The following GAS7 variants were observed in gnomAD, a reference collection of about 807,000 sequenced individuals.
GAS7 encodes growth arrest specific 7, also known as growth arrest-specific protein 7.
A neutral mutation model predicts 71.1 loss-of-function variants in GAS7; 28 were observed. The observed-to-expected ratio is 0.39, with a 90% confidence interval of 0.29 to 0.54. GAS7 has a LOEUF of 0.54. Ranked by LOEUF, GAS7 falls within the 20% of genes least tolerant of loss-of-function variation. The pLI, the probability that GAS7 is intolerant of heterozygous loss-of-function variation, is 0.62. For synonymous variants in GAS7, 258 were observed against 245.8 expected (o/e 1.05, Z -0.46); for missense variants, 436 against 627.8 (o/e 0.69, Z 3.27).
At chr17:9,990,667 A>G (rs942875773) in intron 2 of GAS7, among the ~76,000 whole-genome samples, 6 of 152,354 alleles carry the variant, frequency 3.9e-5, no homozygotes, top group Admixed American at 6.5e-5. Context: ...CCTTCATCAT[A>G]GAGAGCAGCA....
intron 6 of GAS7, among the ~76,000 whole-genome samples, chr17:9,945,540 C>T (rs2068758078): frequency 6.6e-6 from 1 of 152,108 alleles, no homozygotes; most frequent in South Asian, 2.1e-4. Flanking sequence ...GGACACAGCA[C>T]AGCTGGAGCT....
intron 1 of GAS7, among the ~76,000 whole-genome samples, chr17:10,092,034 C>T (rs921016356): frequency 6.6e-6 from 1 of 152,228 alleles, no homozygotes; most frequent in Admixed American, 6.5e-5. Flanking sequence ...AAAGTAAAAT[C>T]CCATGTCTAT....
intron 1 of GAS7, among the ~76,000 whole-genome samples, chr17:10,089,813 C>A (rs1186168970): frequency 6.6e-6 from 1 of 152,140 alleles, no homozygotes; most frequent in Non-Finnish European, 1.5e-5. Flanking sequence ...AAACAACATA[C>A]AATTGTTGTA....
At chr17:9,950,140 A>G (rs1041389649) in intron 5 of GAS7, among the ~76,000 whole-genome samples, 6 of 152,086 alleles carry the variant, frequency 3.9e-5, no homozygotes, top group Non-Finnish European at 7.3e-5. Context: ...CTGGGATTAC[A>G]GGCATGAGCC....
rs1196947227 is a variant in GAS7 at position 10,026,483 on chromosome 17, C to T, written c.184-6586G>A. The stretch of plus-strand genomic sequence containing the variant: ...GGCTCCTCCACAAAGGACTCTCCAG[C>T]AAGTTCTCTCTTCCCCAACCACGGA... On this transcript the variant is annotated intron_variant, in intron 1 of 13. Transcript: ENST00000432992. This position sits in a 1 kb window ranked among gnomAD's most constrained non-coding sequence, Gnocchi z 4.5. Among the ~76,000 whole-genome samples the T allele has an allele frequency of 6.6e-6, 1 of 152,214 alleles. No individual in the cohort carries two copies. The highest frequency in any genetic ancestry group is 1.5e-5 in the Non-Finnish European group (1 of 68,028).
rs536040283 is a variant in GAS7, at chr17:9,964,507, C to T, written c.471+5170G>A. 2.6e-5 allele frequency among the ~76,000 whole-genome samples: 4 copies of T among 152,278 alleles called. No homozygotes were observed. In the East Asian group the frequency reaches 5.8e-4, roughly 22 times the overall value. On this transcript the variant is annotated intron_variant, in intron 4 of 13. Transcript: ENST00000432992. ...GCCACAGCCACACTGGGTCTCTATG[C>T]GTAAACACGGTTCCCCCTTGCTGCC...
chr17:10,118,733 G>C (rs1182727612), intron 1 of GAS7, among the ~76,000 whole-genome samples: 1 of 137,544 alleles, frequency 7.3e-6, no homozygotes, highest in Non-Finnish European at 1.6e-5. Context: ...AAAAGCCCTT[G>C]TGTATCTCTG....
intron 1 of GAS7, among the ~76,000 whole-genome samples, chr17:10,178,823 C>T (rs1268423257): frequency 1.4e-5 from 2 of 147,630 alleles, no homozygotes; most frequent in African/African-American, 5.0e-5. Flanking sequence ...TGGGCTGTCA[C>T]GGCAGACAGC....
chr17:9,967,409 G>T (rs1395131494), intron 4 of GAS7, among the ~76,000 whole-genome samples: 1 of 122,006 alleles, frequency 8.2e-6, no homozygotes, highest in Non-Finnish European at 1.8e-5. Context: ...CCTACTAGTT[G>T]CCAGTAGCAC....
At chr17:10,004,880 C>T (rs914134893) in intron 2 of GAS7, among the ~76,000 whole-genome samples, 1 of 152,090 alleles carries the variant, frequency 6.6e-6, no homozygotes, top group African/African-American at 2.4e-5. Context: ...TGTGGTGGCG[C>T]ATGCCTGTAA....
rs1455050718 is a variant in GAS7 at position 10,161,406 on chromosome 17, T to A, written c.183+36802A>T. Among the ~76,000 whole-genome samples, 6 of 152,312 alleles carry A rather than the reference T, an allele frequency of 3.9e-5. No individual in the cohort carries two copies. The Middle Eastern group carries it at 0.01, about 259-fold the overall frequency. On this transcript the variant is annotated intron_variant, in intron 1 of 13. Transcript: ENST00000432992. ...CTCATTTTCCAATGAACCCACTGCA[T>A]CTGTGGTTCCCCAAAGAAAAATGGA...
At chr17:9,956,458 G>T (rs1001740153) in intron 5 of GAS7, among the ~76,000 whole-genome samples, 1 of 152,088 alleles carries the variant, frequency 6.6e-6, no homozygotes, top group African/African-American at 2.4e-5. Flanking sequence ...GAGTGTGGCC[G>T]GGTGGCTTTG....
chr17:10,139,383 A>G (rs1483721501), intron 1 of GAS7, among the ~76,000 whole-genome samples: 1 of 152,232 alleles, frequency 6.6e-6, no homozygotes, highest in Non-Finnish European at 1.5e-5. Flanking sequence ...TTATGTAGAG[A>G]TATTATGTTC....
In GAS7 at chr17:9,912,802, A is replaced by C; in HGVS notation, c.*4426T>G. 1 of 232,706 alleles carries C rather than the reference A, an allele frequency of 4.3e-6. No homozygotes were observed. The highest frequency in any genetic ancestry group is 8.5e-6 in the Non-Finnish European group (1 of 117,664). 14.4% of individuals were successfully genotyped at this position (232,706 alleles called of 1,614,324 possible). A position where few individuals can be genotyped will look rare whatever the true frequency, so the allele number is the denominator to read the frequency against. ...AACAAGTTGAAGACCCTGGGCCAAG[A>C]ACTTCCAGGGCGAAAGGCTCAGTGT... On this transcript the variant is annotated 3_prime_UTR_variant, in exon 14 of 14. Transcript: ENST00000432992.
At position 9,982,993 on chromosome 17, in the gene GAS7, T is replaced by G. The variant is rs150028979; in HGVS notation, c.305-1109A>C. ...TTATGAAGTTATCTAGTGATAAAAATAATACTTTCTCACTACATACAATTT... is the reference window on the plus strand; with the variant it reads ...TTATGAAGTTATCTAGTGATAAAAAGAATACTTTCTCACTACATACAATTT... On this transcript the variant is annotated intron_variant, in intron 2 of 13. Coordinates refer to ENST00000432992, the MANE Select transcript of GAS7 (RefSeq NM_201433.2). Among the ~76,000 whole-genome samples, 481 of 152,254 alleles carry G rather than the reference T, an allele frequency of 3.2e-3. 3 individuals carry two copies. Among genetic ancestry groups the G allele is most frequent in the Non-Finnish European group, 5.1e-3 (348 of 68,020 alleles).
At chr17:10,061,244 T>G (rs1449481166) in intron 1 of GAS7, 2 of 152,264 alleles carry the variant, frequency 1.3e-5, no homozygotes, top group Admixed American at 1.3e-4. Context: ...CAAAGCCACT[T>G]TGCGTGGTTG....
intron 4 of GAS7, among the ~76,000 whole-genome samples, chr17:9,962,699 G>T (rs4791917): frequency 0.57 from 86,562 of 152,060 alleles, 25,596 homozygotes; most frequent in African/African-American, 0.75. Context: ...CTGAAAGCAG[G>T]GGATGGAAAG....
At chr17:10,167,747 G>A (rs1355145100) in intron 1 of GAS7, among the ~76,000 whole-genome samples, 1 of 152,042 alleles carries the variant, frequency 6.6e-6, no homozygotes, top group Admixed American at 6.5e-5. Flanking sequence ...CACCCAGGCT[G>A]GAGTGCAGCG....
intron 1 of GAS7, among the ~76,000 whole-genome samples, chr17:10,133,695 C>A (rs1017070635): frequency 3.3e-5 from 5 of 152,096 alleles, no homozygotes; most frequent in African/African-American, 1.2e-4. Flanking sequence ...ACCCGCAACC[C>A]ATAGCCCCAC....
Sources: gnomAD v4.1 joint callset for allele counts (sites outside exome capture counted in the v4.1 genomes callset) on GRCh38, gnomAD v4.1.1 for gene constraint, Gnocchi (gnomAD v3.1) non-coding constraint, MANE v1.5 for transcripts, NCBI Gene and HGNC (gene_info 2026-07-23, HGNC 2026-07-21) for gene names.